The following TMC2 variants were observed in gnomAD, a reference collection of about 807,000 sequenced individuals.
TMC2 encodes transmembrane channel-like protein 2.
A neutral mutation model predicts 105.9 loss-of-function variants in TMC2; 102 were observed. That is an observed-to-expected ratio of 0.96 (90% CI 0.82 to 1.14). TMC2 has a LOEUF of 1.14. Ranked by LOEUF, TMC2 falls within the 50% of genes most tolerant of loss-of-function variation. The probability of loss-of-function intolerance (pLI) is 0.00; values close to 1 mark genes in which losing one functional copy is unlikely to be tolerated. For synonymous variants in TMC2, 402 were observed against 422.8 expected, an observed-to-expected ratio of 0.95 and a Z score of 0.60; for missense variants, 1,093 against 1,134.3, an observed-to-expected ratio of 0.96 and a Z score of 0.52.
chr20:2,558,831 C>T lies in TMC2; in HGVS notation c.401+57C>T. On this transcript the variant is annotated intron_variant, in intron 3 of 19. Coordinates refer to ENST00000358864, the MANE Select transcript of TMC2 (RefSeq NM_080751.3). The surrounding 1 kb of genome is among the most constrained non-coding windows in gnomAD (Gnocchi z 4.6). The stretch of plus-strand genomic sequence containing the variant: ...TCCGCGCGCTCCCGCTCCTTCGCGG[C>T]CCTTCCCCTTCCCCCGTGAGGGACT... 3 of 1,456,348 alleles carry T rather than the reference C, an allele frequency of 2.1e-6. No homozygotes were observed. Among genetic ancestry groups the T allele is most frequent in the Non-Finnish European group, 2.7e-6 (3 of 1,097,576 alleles). 90.2% of individuals were successfully genotyped at this position (1,456,348 alleles called of 1,614,324 possible). A position where few individuals can be genotyped will look rare whatever the true frequency, so the allele number is the denominator to read the frequency against.
intron 17 of TMC2, among the ~76,000 whole-genome samples, chr20:2,626,360 A>C (rs2086564254): frequency 6.6e-6 from 1 of 152,240 alleles, no homozygotes; most frequent in Admixed American, 6.5e-5. Flanking sequence ...ATGACTGGCC[A>C]GCTGGCACTG....
intron 16 of TMC2, among the ~76,000 whole-genome samples, chr20:2,622,429 AG>A (rs1355314222): frequency 6.6e-6 from 1 of 152,172 alleles, no homozygotes; most frequent in Non-Finnish European, 1.5e-5. Flanking sequence ...GTACTTTGGG[AG>A]GCCAAAGCAG....
At chr20:2,610,332 T>G in intron 11 of TMC2, 87 bp from the exon 12 acceptor site, 7 of 1,251,634 alleles carry the variant, frequency 5.6e-6, no homozygotes, top group Non-Finnish European at 7.8e-6. Context: ...AGCAGAGAAG[T>G]GGAGATGGAT....
intron 2 of TMC2, among the ~76,000 whole-genome samples, chr20:2,554,641 T>C (rs1330432837): frequency 1.3e-5 from 2 of 152,248 alleles, no homozygotes; most frequent in East Asian, 3.8e-4. Context: ...TGTATTTTCA[T>C]TTAAATGTAG....
At position 2,558,245 on chromosome 20, in the gene TMC2, T is replaced by G. The variant is rs1482956233; in HGVS notation, c.83-211T>G. The G allele has an allele frequency of 3.3e-6, 4 of 1,230,468 alleles. No homozygotes were observed. The highest frequency in any genetic ancestry group is 1.6e-5 in the South Asian group (1 of 61,426). 76.2% of individuals were successfully genotyped at this position (1,230,468 alleles called of 1,614,324 possible). A position where few individuals can be genotyped will look rare whatever the true frequency, so the allele number is the denominator to read the frequency against. On this transcript the variant is annotated intron_variant, in intron 2 of 19. Transcript: ENST00000358864. The surrounding 1 kb of genome is among the most constrained non-coding windows in gnomAD (Gnocchi z 4.6). ...AGACGGGAGGGAGAAGGCCAGAGAG[T>G]GACCTTCCTGCTTCTGCAGTTTTCT...
Position 2,572,225 on chromosome 20 carries a change from G to A in TMC2, c.601G>A (p.Gly201Arg), listed in dbSNP as rs1256072669. The change falls in exon 5 of 20, where the codon GGG becomes AGG. Residue 201 changes from glycine (G) to arginine (R), a missense_variant. Transcript: ENST00000358864. ...VEKYEGALGK[G>R]KGKQLYAYKM... ...GAAGTATGAAGGTGCCTTGGGAAAG[G>A]GGAAAGGCAAGCAACTATATGCCTA... 1 of 1,613,688 alleles carries A rather than the reference G, an allele frequency of 6.2e-7. No individual in the cohort carries two copies. Among genetic ancestry groups the A allele is most frequent in the East Asian group, 2.2e-5 (1 of 44,868 alleles).
At chr20:2,596,956 T>A (rs183190412) in intron 9 of TMC2, among the ~76,000 whole-genome samples, 195 bp from the exon 10 acceptor site, 1 of 152,256 alleles carries the variant, frequency 6.6e-6, no homozygotes, top group African/African-American at 2.4e-5. Flanking sequence ...CAGGGGACTC[T>A]GAATTTGGGG....
In TMC2 at chr20:2,612,207, C is replaced by T. The variant is rs2086445434; in HGVS notation, c.1610C>T (p.Thr537Ile). 7 of 1,608,578 alleles carry T rather than the reference C, an allele frequency of 4.4e-6. No individual in the cohort carries two copies. The highest frequency in any genetic ancestry group is 1.3e-5 in the African/African-American group (1 of 74,890). ...DVHLKLANEE[T>I]IKNITHWTLF... ...CTGTTCTAGCTTGCTAATGAAGAGA[C>T]AATAAAGAACATCACTCACTGGACT... Residue 537 changes from threonine (T) to isoleucine (I), a missense_variant, in exon 13 of 20, where the codon ACA becomes ATA. Transcript: ENST00000358864.
Position 2,597,224 on chromosome 20 carries a change from A to G in TMC2, c.1150A>G (p.Thr384Ala). The change falls in exon 10 of 20, where the codon ACC becomes GCC. Residue 384 changes from threonine to alanine, a missense_variant. Transcript: ENST00000358864. ...CTTCACATTCAGCTTCAAGATGTTC[A>G]CCAGCTGGGACTACCTGATCGGGAA... ...DNFTFSFKMF[T>A]SWDYLIGNSE... is the part of the protein sequence containing the mutation. The G allele has an allele frequency of 6.2e-7, 1 of 1,614,106 alleles. No homozygotes were observed. The highest frequency in any genetic ancestry group is 8.5e-7 in the Non-Finnish European group (1 of 1,180,008).
intron 2 of TMC2, among the ~76,000 whole-genome samples, chr20:2,556,440 C>T (rs1041862478): frequency 6.6e-6 from 1 of 152,098 alleles, no homozygotes; most frequent in South Asian, 2.1e-4. Flanking sequence ...AAGTTTCTGA[C>T]CTATGTCGTT....
At chr20:2,541,414 G>A (rs2085889130) in intron 2 of TMC2, among the ~76,000 whole-genome samples, 1 of 152,168 alleles carries the variant, frequency 6.6e-6, no homozygotes. Flanking sequence ...GCCGAGGCAG[G>A]CGGATTAATT....
At position 2,564,085 on chromosome 20, in the gene TMC2, T is replaced by A. The variant is rs1285232315; in HGVS notation, c.554+2075T>A. Among the ~76,000 whole-genome samples the A allele has an allele frequency of 2.0e-5, 3 of 151,752 alleles. No individual in the cohort carries two copies. The East Asian group carries it at 5.8e-4, about 29-fold the overall frequency. The stretch of plus-strand genomic sequence containing the variant: ...AATTTTAAAAATTTAAATAGTCCCA[T>A]GTGGTGAGTGGCGACAGTGTGGAAG... On this transcript the variant is annotated intron_variant, in intron 4 of 19. Transcript: ENST00000358864.
At chr20:2,538,397 A>T (rs899687851) in intron 2 of TMC2, among the ~76,000 whole-genome samples, 5 of 152,168 alleles carry the variant, frequency 3.3e-5, no homozygotes, top group African/African-American at 9.7e-5. Flanking sequence ...CCAAAGATGA[A>T]GGAGCAAATG....
At position 2,558,603 on chromosome 20, in the gene TMC2, GGAGACACA is replaced by G. The variant is rs1328130993; in HGVS notation, c.235_242del (p.His79ArgfsTer114). On this transcript the variant is annotated frameshift_variant, in exon 3 of 20. Coordinates refer to ENST00000358864, the MANE Select transcript of TMC2 (RefSeq NM_080751.3). LOFTEE classifies it high-confidence loss of function. This position sits in a 1 kb window ranked among gnomAD's most constrained non-coding sequence, Gnocchi z 4.6. ...CCCCGGAGGAAGCAAACAGGGCGCA[GGAGACACA>G]GAGAAGAGCTGGGGGAGCAGGAGCG... 14 of 1,557,236 alleles carry G rather than the reference GGAGACACA, an allele frequency of 9.0e-6. No homozygotes were observed. Among genetic ancestry groups the G allele is most frequent in the Non-Finnish European group, 1.2e-5 (14 of 1,150,140 alleles).
intron 16 of TMC2, among the ~76,000 whole-genome samples, chr20:2,622,460 G>T (rs1355863150): frequency 6.6e-6 from 1 of 152,162 alleles, no homozygotes; most frequent in East Asian, 1.9e-4. Context: ...CTGAGGTCAG[G>T]AGTTCAAGAC....
chr20:2,639,539 G>A (rs4813578), intron 19 of TMC2, among the ~76,000 whole-genome samples: 93,577 of 152,120 alleles, frequency 0.62, 29,183 homozygotes, highest in East Asian at 0.86. Context: ...AGGCCATGCC[G>A]TCTAGGTTTG....
chr20:2,634,358 A>C (rs1279378656), intron 17 of TMC2, among the ~76,000 whole-genome samples: 1 of 152,226 alleles, frequency 6.6e-6, no homozygotes, highest in East Asian at 1.9e-4. Flanking sequence ...TGAATGTAGA[A>C]TCCTTTCATT....
intron 17 of TMC2, among the ~76,000 whole-genome samples, chr20:2,635,388 GTGT>G: frequency 6.6e-6 from 1 of 152,316 alleles, no homozygotes; most frequent in East Asian, 1.9e-4. Context: ...TGTAGAAAAA[GTGT>G]TGGTTTCCAA....
chr20:2,606,512 A>G (rs2086392957), intron 11 of TMC2, among the ~76,000 whole-genome samples: 1 of 152,186 alleles, frequency 6.6e-6, no homozygotes, highest in Admixed American at 6.5e-5. Context: ...TGCCTGCCTC[A>G]GCCTCCCAAA....
Sources: allele counts gnomAD v4.1 joint callset (sites outside exome capture counted in the v4.1 genomes callset), GRCh38; gene constraint gnomAD v4.1.1; non-coding constraint Gnocchi (gnomAD v3.1); transcripts MANE v1.5; gene names NCBI Gene and HGNC (gene_info 2026-07-23, HGNC 2026-07-21).